The following B3GALT1 variants were observed in gnomAD, a reference collection of about 807,000 sequenced individuals.
B3GALT1 encodes beta-1,3-galactosyltransferase 1.
Under a neutral mutation model 23.2 loss-of-function variants are expected in B3GALT1, and 10 were observed. The ratio of observed to expected loss-of-function variants is 0.43; its 90% CI spans 0.27 to 0.73. The LOEUF (loss-of-function observed/expected upper bound fraction) is 0.73. Ranked by LOEUF, B3GALT1 falls within the 30% of genes least tolerant of loss-of-function variation. The probability of loss-of-function intolerance (pLI) is 0.21; values close to 1 mark genes in which losing one functional copy is unlikely to be tolerated. For synonymous variants in B3GALT1, 156 were observed against 141.5 expected (o/e 1.10, Z -0.73); for missense variants, 299 against 405.4 (o/e 0.74, Z 2.25).
chr2:167,358,459 T>C (rs1231252012), intron 1 of B3GALT1, among the ~76,000 whole-genome samples: 2 of 152,330 alleles, frequency 1.3e-5, no homozygotes, highest in Middle Eastern at 3.4e-3. Flanking sequence ...TGTACACTTA[T>C]CGTTAACAGT....
intron 2 of B3GALT1, among the ~76,000 whole-genome samples, chr2:167,617,018 G>T (rs73015407): frequency 0.016 from 2,400 of 152,120 alleles, 79 homozygotes; most frequent in African/African-American, 0.054. Context: ...AAAAGTTTTT[G>T]ATTACATCAA....
chr2:167,763,225 A>G (rs1687922949), intron 3 of B3GALT1, among the ~76,000 whole-genome samples: 1 of 152,204 alleles, frequency 6.6e-6, no homozygotes, highest in African/African-American at 2.4e-5. Flanking sequence ...AACTATGCAG[A>G]TTCTGTCTTG....
At chr2:167,430,310 G>A (rs1698688117) in intron 1 of B3GALT1, among the ~76,000 whole-genome samples, 1 of 152,192 alleles carries the variant, frequency 6.6e-6, no homozygotes, top group Non-Finnish European at 1.5e-5. Flanking sequence ...ATGAAGTCAA[G>A]GAGTTAATGA....
chr2:167,648,182 A>T (rs547867822), intron 3 of B3GALT1, among the ~76,000 whole-genome samples: 30 of 152,212 alleles, frequency 2.0e-4, no homozygotes, highest in Non-Finnish European at 3.8e-4. Context: ...ATGATATCTC[A>T]AATTTTCAGT....
At chr2:167,512,599 T>TATATATAC (rs1405862360) in intron 2 of B3GALT1, among the ~76,000 whole-genome samples, 8 of 103,434 alleles carry the variant, frequency 7.7e-5, no homozygotes, top group African/African-American at 4.1e-4. Context: ...TATGTGTATA[T>TATATATAC]ATATATATGT....
At chr2:167,832,853 A>T (rs567644794) in intron 4 of B3GALT1, among the ~76,000 whole-genome samples, 2 of 152,258 alleles carry the variant, frequency 1.3e-5, no homozygotes, top group Non-Finnish European at 2.9e-5. Context: ...TAAAGTAAAA[A>T]TGCAGCCCAA....
chr2:167,440,857 CTT>C (rs981832823), intron 1 of B3GALT1, among the ~76,000 whole-genome samples: 1 of 151,820 alleles, frequency 6.6e-6, no homozygotes, highest in Non-Finnish European at 1.5e-5. Context: ...CTAATTTGAT[CTT>C]TTTTTCATTT....
intron 3 of B3GALT1, among the ~76,000 whole-genome samples, chr2:167,745,284 T>C (rs969841140): frequency 2.0e-5 from 3 of 152,182 alleles, no homozygotes; most frequent in Non-Finnish European, 2.9e-5. Flanking sequence ...CCCCCTCTCC[T>C]AACATTTACA....
chr2:167,518,687 A>G (rs571486969), intron 2 of B3GALT1, among the ~76,000 whole-genome samples: 17 of 152,332 alleles, frequency 1.1e-4, no homozygotes, highest in Non-Finnish European at 1.6e-4. Flanking sequence ...TGTGCAGTCA[A>G]TGAATCAAGT....
chr2:167,643,797 G>A (rs899893569), intron 2 of B3GALT1, among the ~76,000 whole-genome samples: 42 of 152,116 alleles, frequency 2.8e-4, no homozygotes, highest in Admixed American at 2.3e-3. Flanking sequence ...ATATAGGTTG[G>A]CGAACCTCAG....
intron 1 of B3GALT1, among the ~76,000 whole-genome samples, chr2:167,427,538 T>C (rs968468330): frequency 1.4e-4 from 22 of 152,164 alleles, no homozygotes; most frequent in Non-Finnish European, 5.9e-5. Flanking sequence ...CATGTAGTCT[T>C]TATGTAATAT....
At chr2:167,424,947 A>C (rs1698601915) in intron 1 of B3GALT1, among the ~76,000 whole-genome samples, 1 of 152,146 alleles carries the variant, frequency 6.6e-6, no homozygotes, top group South Asian at 2.1e-4. Context: ...TTGTATTTTA[A>C]CCAAATGCGC....
intron 1 of B3GALT1, among the ~76,000 whole-genome samples, chr2:167,427,451 A>C (rs1698640297): frequency 6.6e-6 from 1 of 152,242 alleles, no homozygotes; most frequent in Non-Finnish European, 1.5e-5. Context: ...GTCATCTTTC[A>C]TGACCATAGC....
intron 1 of B3GALT1, among the ~76,000 whole-genome samples, chr2:167,453,352 CAT>C: frequency 6.6e-6 from 1 of 152,298 alleles, no homozygotes; most frequent in East Asian, 1.9e-4. Flanking sequence ...TTATTTAAAA[CAT>C]AGTTTCAACA....
chr2:167,334,624 C>A (rs1374161660), intron 1 of B3GALT1, among the ~76,000 whole-genome samples: 1 of 152,034 alleles, frequency 6.6e-6, no homozygotes, highest in Non-Finnish European at 1.5e-5. Flanking sequence ...AGTTTACAAT[C>A]CTTAAATGAA....
chr2:167,789,374 A>G (rs917962922), intron 3 of B3GALT1, among the ~76,000 whole-genome samples: 3 of 152,190 alleles, frequency 2.0e-5, no homozygotes, highest in African/African-American at 7.2e-5. Context: ...ATGTCATACT[A>G]GTATGTTCCT....
In B3GALT1 at chr2:167,560,422, A is replaced by G. The variant is rs1263874567; in HGVS notation, c.-410+70145A>G. Among the ~76,000 whole-genome samples, 7 of 152,306 alleles carry G rather than the reference A, an allele frequency of 4.6e-5. No homozygotes were observed. In the East Asian group the frequency reaches 1.2e-3, roughly 25 times the overall value. ...CTAACAAGCAAAATAACCAGCTAAC[A>G]TCATAATGACAGGATCAGATTCACA... is the stretch of plus-strand genomic sequence containing the variant. On this transcript the variant is annotated intron_variant, in intron 2 of 4. Transcript: ENST00000392690.
At chr2:167,633,623 CAAG>C (rs902145878) in intron 2 of B3GALT1, among the ~76,000 whole-genome samples, 57 of 152,148 alleles carry the variant, frequency 3.7e-4, no homozygotes, top group Middle Eastern at 3.4e-3. Context: ...ATCAATTCAA[CAAG>C]AAGAGCTAAC....
chr2:167,358,762 C>G (rs1335267773), intron 1 of B3GALT1, among the ~76,000 whole-genome samples: 1 of 152,234 alleles, frequency 6.6e-6, no homozygotes, highest in East Asian at 1.9e-4. Context: ...TAATTTCCAG[C>G]AGTGAATTAG....
Sources: gnomAD v4.1 joint callset for allele counts (sites outside exome capture counted in the v4.1 genomes callset) on GRCh38, gnomAD v4.1.1 for gene constraint, MANE v1.5 for transcripts, NCBI Gene and HGNC (gene_info 2026-07-23, HGNC 2026-07-21) for gene names.